Variants in FRMD4B observed in about 807,000 individuals in gnomAD.
FRMD4B encodes the protein FERM domain-containing protein 4B.
In FRMD4B, 74 loss-of-function variants were observed where a neutral mutation model predicts 141.5. The ratio of observed to expected loss-of-function variants is 0.52; its 90% CI spans 0.43 to 0.63. FRMD4B has a LOEUF of 0.63. Among genes scored for constraint, FRMD4B ranks in the 30% least tolerant of loss-of-function variants. The pLI, the probability that FRMD4B is intolerant of heterozygous loss-of-function variation, is 0.00. For missense variants in FRMD4B, 1,366 were observed against 1,253.4 expected, an observed-to-expected ratio of 1.09 and a Z score of -1.36; for synonymous variants, 506 against 467.9, an observed-to-expected ratio of 1.08 and a Z score of -1.05.
intron 1 of FRMD4B, among the ~76,000 whole-genome samples, chr3:69,519,645 G>T (rs1432434410): frequency 6.6e-6 from 1 of 151,948 alleles, no homozygotes; most frequent in Non-Finnish European, 1.5e-5. Flanking sequence ...ATTTTTATTT[G>T]TTTTTATTTC....
chr3:69,400,625 T>C (rs1038722112), intron 2 of FRMD4B, among the ~76,000 whole-genome samples: 3 of 152,158 alleles, frequency 2.0e-5, no homozygotes, highest in African/African-American at 7.2e-5. Context: ...TGGTGTGAGA[T>C]ATTTCTGTAT....
chr3:69,189,363 TAAATA>T (rs1386586701), intron 18 of FRMD4B, among the ~76,000 whole-genome samples: 2 of 151,968 alleles, frequency 1.3e-5, no homozygotes, highest in Admixed American at 1.3e-4. Context: ...CCTTTCTTCC[TAAATA>T]AAATAAACTT....
chr3:69,315,668 A>G (rs1038247029), intron 1 of FRMD4B, among the ~76,000 whole-genome samples: 1 of 152,238 alleles, frequency 6.6e-6, no homozygotes, highest in Admixed American at 6.5e-5. Context: ...CATTCTTTTT[A>G]AAGACTCTAT....
At chr3:69,337,680 T>C (rs1179655808) in intron 1 of FRMD4B, among the ~76,000 whole-genome samples, 1 of 152,150 alleles carries the variant, frequency 6.6e-6, no homozygotes, top group Non-Finnish European at 1.5e-5. Flanking sequence ...AGAAGTCACT[T>C]ATGCAGCCAA....
chr3:69,476,770 T>G (rs1427014123), intron 1 of FRMD4B, among the ~76,000 whole-genome samples: 1 of 152,218 alleles, frequency 6.6e-6, no homozygotes. Context: ...TGGGGATGGC[T>G]TTGAATCTAT....
chr3:69,351,340 A>C (rs1032200884), intron 1 of FRMD4B, among the ~76,000 whole-genome samples: 3 of 152,208 alleles, frequency 2.0e-5, no homozygotes, highest in Non-Finnish European at 4.4e-5. Flanking sequence ...CGTAAGTCTC[A>C]TACTTGAATT....
intron 1 of FRMD4B, among the ~76,000 whole-genome samples, chr3:69,375,318 C>T (rs6785937): frequency 0.012 from 1,813 of 151,912 alleles, 46 homozygotes; most frequent in African/African-American, 0.042. Context: ...TCCTTCCTTC[C>T]ATCCATCCAA....
At position 69,372,740 on chromosome 3, in the gene FRMD4B, C is replaced by G. The variant is rs1703861751; in HGVS notation, c.162+13088G>C. Among the ~76,000 whole-genome samples, 3 of 152,118 alleles carry G rather than the reference C, an allele frequency of 2.0e-5. No homozygotes were observed. The South Asian group carries it at 6.2e-4, about 32-fold the overall frequency. On this transcript the variant is annotated intron_variant, in intron 1 of 22. Transcript: ENST00000398540. The stretch of plus-strand genomic sequence containing the variant: ...AGAATGGTAGTTTAAATGATGATAT[C>G]CAGTGTGTATTATGGTCCACTCTTT...
intron 1 of FRMD4B, among the ~76,000 whole-genome samples, chr3:69,355,345 G>C (rs1361072302): frequency 6.6e-6 from 1 of 152,112 alleles, no homozygotes; most frequent in Non-Finnish European, 1.5e-5. Context: ...ATTTTATATA[G>C]GTTGACCCAA....
chr3:69,486,433 T>C (rs752782287), intron 1 of FRMD4B, among the ~76,000 whole-genome samples: 33 of 133,172 alleles, frequency 2.5e-4, no homozygotes, highest in Non-Finnish European at 4.6e-4. Flanking sequence ...TGCGTCCTTA[T>C]AGCTTAGCTC....
At chr3:69,404,533 C>T (rs187700851) in intron 2 of FRMD4B, among the ~76,000 whole-genome samples, 1 of 152,204 alleles carries the variant, frequency 6.6e-6, no homozygotes. Context: ...ATTATTATGG[C>T]CTCTATTTTA....
At chr3:69,514,820 G>T (rs1700726417) in intron 1 of FRMD4B, among the ~76,000 whole-genome samples, 1 of 152,096 alleles carries the variant, frequency 6.6e-6, no homozygotes, top group African/African-American at 2.4e-5. Flanking sequence ...AACAATCCCT[G>T]TCAAAATCCC....
chr3:69,323,566 A>G (rs1702080501), intron 1 of FRMD4B, among the ~76,000 whole-genome samples: 1 of 147,772 alleles, frequency 6.8e-6, no homozygotes, highest in African/African-American at 2.5e-5. Flanking sequence ...CTCTGTCTCA[A>G]AAAAACAAAA....
At chr3:69,237,484 G>T (rs2093352637) in intron 7 of FRMD4B, among the ~76,000 whole-genome samples, 1 of 152,268 alleles carries the variant, frequency 6.6e-6, no homozygotes, top group Admixed American at 6.5e-5. Context: ...TCTGTGAGAG[G>T]TGGGAAGTTG....
chr3:69,184,308 C>G (rs973329606), intron 19 of FRMD4B, among the ~76,000 whole-genome samples: 2 of 152,194 alleles, frequency 1.3e-5, no homozygotes, highest in Admixed American at 1.3e-4. Flanking sequence ...CATAAACATA[C>G]ATATTTATTT....
intron 2 of FRMD4B, among the ~76,000 whole-genome samples, chr3:69,395,188 T>A (rs1384181617): frequency 6.6e-6 from 1 of 151,798 alleles, no homozygotes; most frequent in East Asian, 1.9e-4. Context: ...TAAAATTTTT[T>A]AAAAAAAGAA....
At chr3:69,329,516 ATTTTTTTTT>A (rs10554375) in intron 1 of FRMD4B, among the ~76,000 whole-genome samples, 18 of 55,560 alleles carry the variant, frequency 3.2e-4, no homozygotes, top group Non-Finnish European at 5.5e-4. Flanking sequence ...TGCCCAGCTA[ATTTTTTTTT>A]TTTTTTTTTT....
chr3:69,536,098 G>T (rs1007931563), intron 1 of FRMD4B: 4 of 464,904 alleles, frequency 8.6e-6, no homozygotes, highest in African/African-American at 8.1e-5. Context: ...TGCCCACACT[G>T]CCTTGCTTGC....
intron 1 of FRMD4B, among the ~76,000 whole-genome samples, chr3:69,503,243 T>C (rs1460889845): frequency 2.0e-5 from 3 of 152,146 alleles, no homozygotes; most frequent in African/African-American, 7.2e-5. Context: ...CACCTATGTT[T>C]ATTGCAGCAC....
Sources: gnomAD v4.1 joint callset for allele counts (sites outside exome capture counted in the v4.1 genomes callset) on GRCh38, gnomAD v4.1.1 for gene constraint, MANE v1.5 for transcripts, NCBI Gene and HGNC (gene_info 2026-07-23, HGNC 2026-07-21) for gene names.